The following PSMA8 variants were observed in gnomAD, a reference collection of about 807,000 sequenced individuals.
The protein encoded by PSMA8 is proteasome subunit alpha-type 8.
In PSMA8, 18 loss-of-function variants were observed where a neutral mutation model predicts 32.4. The observed-to-expected ratio is 0.56, with a 90% CI of 0.38 to 0.82. The LOEUF (loss-of-function observed/expected upper bound fraction) is 0.82, where lower values mean the gene tolerates loss of function less well. PSMA8 is among the 40% of genes least tolerant of loss of function. PSMA8 has a pLI of 0.00. For synonymous variants in PSMA8, 104 were observed against 98.1 expected, an observed-to-expected ratio of 1.06 and a Z score of -0.36; for missense variants, 298 against 300.7, an observed-to-expected ratio of 0.99 and a Z score of 0.07.
intron 3 of PSMA8, among the ~76,000 whole-genome samples, chr18:26,156,716 A>G (rs896081054): frequency 6.7e-6 from 1 of 148,372 alleles, no homozygotes; most frequent in Non-Finnish European, 1.5e-5. Flanking sequence ...TATATATACA[A>G]TATATATACA....
chr18:26,159,754 G>T, intron 4 of PSMA8, among the ~76,000 whole-genome samples: 1 of 151,866 alleles, frequency 6.6e-6, no homozygotes, highest in Admixed American at 6.6e-5. Context: ...CTGAAACTCT[G>T]CTCTGCTCTG....
chr18:26,184,233 G>C (rs1389572782), intron 6 of PSMA8, among the ~76,000 whole-genome samples: 1 of 150,534 alleles, frequency 6.6e-6, no homozygotes, highest in Non-Finnish European at 1.5e-5. Flanking sequence ...TCAATATGTA[G>C]TCTGTTTCAG....
chr18:26,173,952 GATA>G (rs959360875), intron 4 of PSMA8, among the ~76,000 whole-genome samples: 112 of 151,944 alleles, frequency 7.4e-4, no homozygotes, highest in African/African-American at 2.4e-3. Context: ...ATGAATACTA[GATA>G]ATAACATAAT....
rs751054301 is a variant in PSMA8, at chr18:26,151,987, G to T, written c.354+5G>T. ...TTCATAGCAACTTTAAAGCAGGTAA[G>T]CTAATATTCTAACATACTTTGTTAA... is the stretch of plus-strand genomic sequence containing the variant. On this transcript the variant is annotated splice_donor_5th_base_variant and intron_variant, in intron 3 of 6. Transcript: ENST00000415576. 3.8e-6 allele frequency: 6 copies of T among 1,592,406 alleles called. No individual in the cohort carries two copies. Among genetic ancestry groups the T allele is most frequent in the Non-Finnish European group, 5.1e-6 (6 of 1,173,014 alleles).
At chr18:26,136,442 C>A (rs959930803) in intron 1 of PSMA8, among the ~76,000 whole-genome samples, 4 of 152,204 alleles carry the variant, frequency 2.6e-5, no homozygotes, top group African/African-American at 9.7e-5. Context: ...TCCTATCCAC[C>A]CTCTTAATTT....
intron 4 of PSMA8, among the ~76,000 whole-genome samples, chr18:26,162,592 G>A (rs1009683290): frequency 1.4e-4 from 22 of 152,234 alleles, no homozygotes; most frequent in African/African-American, 4.1e-4. Context: ...CTGGCTGGGC[G>A]CGGTGTCTCA....
intron 4 of PSMA8, among the ~76,000 whole-genome samples, chr18:26,161,629 T>C (rs2055136545): frequency 6.6e-6 from 1 of 152,368 alleles, no homozygotes; most frequent in East Asian, 1.9e-4. Flanking sequence ...TCCTAGCTAC[T>C]TGAGAAGCTG....
intron 2 of PSMA8, among the ~76,000 whole-genome samples, chr18:26,148,357 C>T (rs981307598): frequency 1.5e-4 from 23 of 151,590 alleles, no homozygotes; most frequent in South Asian, 4.1e-4. Context: ...AAGCATGGTT[C>T]AACATATGAA....
intron 6 of PSMA8, among the ~76,000 whole-genome samples, chr18:26,190,274 G>A (rs756675964): frequency 3.9e-5 from 6 of 152,126 alleles, no homozygotes; most frequent in Non-Finnish European, 5.9e-5. Flanking sequence ...TACATTTTAA[G>A]ATAACTAAAA....
intron 4 of PSMA8, among the ~76,000 whole-genome samples, chr18:26,177,652 C>T (rs2055274228): frequency 6.6e-6 from 1 of 152,142 alleles, no homozygotes; most frequent in African/African-American, 2.4e-5. Context: ...ATTTTTCCTT[C>T]ATCTGATGAA....
At chr18:26,173,306 T>C (rs1015635658) in intron 4 of PSMA8, among the ~76,000 whole-genome samples, 16 of 152,136 alleles carry the variant, frequency 1.1e-4, no homozygotes, top group Admixed American at 2.6e-4. Context: ...TGTTCTTCCT[T>C]ATTGTTTCCT....
intron 6 of PSMA8, among the ~76,000 whole-genome samples, chr18:26,191,694 A>T (rs1016686837): frequency 1.3e-5 from 2 of 151,872 alleles, no homozygotes; most frequent in African/African-American, 4.8e-5. Context: ...ACCTCAACTG[A>T]TCCACCCACC....
At chr18:26,153,888 GTTTTAT>G (rs921173887) in intron 3 of PSMA8, among the ~76,000 whole-genome samples, 7 of 152,008 alleles carry the variant, frequency 4.6e-5, no homozygotes, top group East Asian at 1.9e-4. Context: ...TTTACCATTT[GTTTTAT>G]TTTTATTTTT....
intron 6 of PSMA8, among the ~76,000 whole-genome samples, chr18:26,187,317 A>G (rs367724663): frequency 8.5e-5 from 13 of 152,312 alleles, no homozygotes; most frequent in African/African-American, 3.1e-4. Context: ...ACTGCACTCC[A>G]GCCTGGGCGA....
intron 1 of PSMA8, among the ~76,000 whole-genome samples, chr18:26,134,338 T>C (rs533063604): frequency 3.5e-5 from 5 of 143,946 alleles, no homozygotes; most frequent in African/African-American, 1.3e-4. Context: ...GGTGTGTGTG[T>C]GGGTGTGTGT....
At chr18:26,184,006 A>C (rs2055333360) in intron 6 of PSMA8, among the ~76,000 whole-genome samples, 1 of 150,948 alleles carries the variant, frequency 6.6e-6, no homozygotes, top group Admixed American at 6.6e-5. Flanking sequence ...TTTTTTAGCA[A>C]TAAAGTGTTT....
chr18:26,190,181 T>C (rs2055390179), intron 6 of PSMA8, among the ~76,000 whole-genome samples: 1 of 152,100 alleles, frequency 6.6e-6, no homozygotes, highest in South Asian at 2.1e-4. Flanking sequence ...TGGGGATGGT[T>C]AATAGGTACA....
At chr18:26,139,994 C>T in intron 1 of PSMA8, 1 of 697,846 alleles carries the variant, frequency 1.4e-6, no homozygotes, top group Non-Finnish European at 2.6e-6. Context: ...CTTTTTAATT[C>T]TTTGTCAAGA....
At chr18:26,147,499 A>G (rs1449426283) in intron 2 of PSMA8, among the ~76,000 whole-genome samples, 2 of 152,164 alleles carry the variant, frequency 1.3e-5, no homozygotes, top group Non-Finnish European at 2.9e-5. Flanking sequence ...TTACATTAAA[A>G]AAGAAAGATC....
Sources: allele counts gnomAD v4.1 joint callset (sites outside exome capture counted in the v4.1 genomes callset), GRCh38; gene constraint gnomAD v4.1.1; transcripts MANE v1.5; gene names NCBI Gene and HGNC (gene_info 2026-07-23, HGNC 2026-07-21).